ADGRL3: variants seen among roughly 807,000 people sequenced by gnomAD.
The protein encoded by ADGRL3 is adhesion G protein-coupled receptor L3.
In ADGRL3, 62 loss-of-function variants were observed where a neutral mutation model predicts 153.5. The observed-to-expected ratio is 0.40, with a 90% CI of 0.33 to 0.50. The LOEUF is 0.50. Among genes scored for constraint, ADGRL3 ranks in the 20% least tolerant of loss-of-function variants. The pLI, the probability that ADGRL3 is intolerant of heterozygous loss-of-function variation, is 0.47. For missense variants in ADGRL3, 1,641 were observed against 1,859.4 expected (o/e 0.88, Z 2.16); for synonymous variants, 710 against 672.5 (o/e 1.06, Z -0.86).
intron 9 of ADGRL3, among the ~76,000 whole-genome samples, chr4:61,818,025 C>T (rs1449510859): frequency 6.6e-6 from 1 of 152,124 alleles, no homozygotes; most frequent in Non-Finnish European, 1.5e-5. Context: ...ATTTCAAAAC[C>T]AATCATGCCT....
intron 4 of ADGRL3, among the ~76,000 whole-genome samples, chr4:61,585,012 TGA>T (rs2098940628): frequency 6.6e-6 from 1 of 152,002 alleles, no homozygotes; most frequent in African/African-American, 2.4e-5. Flanking sequence ...GTGTCTATTG[TGA>T]GAGTACCTTG....
intron 24 of ADGRL3, among the ~76,000 whole-genome samples, chr4:62,038,192 G>A (rs1447241409): frequency 6.6e-6 from 1 of 152,056 alleles, no homozygotes; most frequent in Non-Finnish European, 1.5e-5. Flanking sequence ...ATATTGATAT[G>A]ATTCTAATTC....
chr4:61,763,121 TAAAG>T (rs1174010174), intron 8 of ADGRL3, among the ~76,000 whole-genome samples: 1 of 151,942 alleles, frequency 6.6e-6, no homozygotes, highest in Non-Finnish European at 1.5e-5. Context: ...ACACTTTGCA[TAAAG>T]ATTTTTTTTC....
chr4:61,858,844 G>A (rs574538076), intron 9 of ADGRL3, among the ~76,000 whole-genome samples: 3 of 152,178 alleles, frequency 2.0e-5, no homozygotes, highest in African/African-American at 7.2e-5. Context: ...GTCGGACTTA[G>A]AAATGGGAGT....
At chr4:61,426,730 G>A (rs1353393010) in intron 2 of ADGRL3, 1 of 152,320 alleles carries the variant, frequency 6.6e-6, no homozygotes, top group Admixed American at 6.5e-5. Context: ...CCACCTTCAA[G>A]TAGTCTTTGA....
chr4:61,852,937 A>G (rs1456396999), intron 9 of ADGRL3, among the ~76,000 whole-genome samples: 4 of 152,126 alleles, frequency 2.6e-5, no homozygotes, highest in African/African-American at 9.7e-5. Context: ...CTCACTAGAA[A>G]GGAAACTTTA....
intron 1 of ADGRL3, among the ~76,000 whole-genome samples, chr4:61,258,347 C>T (rs929561373): frequency 6.6e-6 from 1 of 152,140 alleles, no homozygotes; most frequent in Admixed American, 6.5e-5. Flanking sequence ...ACCAGGATCC[C>T]CTGGAATTCA....
chr4:61,839,943 C>T (rs1328865018), intron 9 of ADGRL3, among the ~76,000 whole-genome samples: 1 of 148,156 alleles, frequency 6.7e-6, no homozygotes, highest in African/African-American at 2.5e-5. Flanking sequence ...GAGCAAGACC[C>T]CCATCTTAAA....
At chr4:61,974,010 C>T (rs949541401) in intron 17 of ADGRL3, among the ~76,000 whole-genome samples, 3 of 152,062 alleles carry the variant, frequency 2.0e-5, no homozygotes, top group Admixed American at 6.6e-5. Flanking sequence ...GTCTGTCACC[C>T]AGGTTGGAGT....
At chr4:61,606,300 G>A (rs2149600332) in intron 5 of ADGRL3, among the ~76,000 whole-genome samples, 1 of 152,268 alleles carries the variant, frequency 6.6e-6, no homozygotes, top group Middle Eastern at 3.4e-3. Context: ...CAAAATAATA[G>A]CTTGCTTATT....
chr4:61,309,320 T>C (rs1327533736), intron 1 of ADGRL3, among the ~76,000 whole-genome samples: 3 of 152,100 alleles, frequency 2.0e-5, no homozygotes, highest in Non-Finnish European at 4.4e-5. Context: ...GGGATTTGGG[T>C]CAAGTCATTT....
intron 19 of ADGRL3, among the ~76,000 whole-genome samples, chr4:61,993,793 T>C (rs954645): frequency 0.23 from 35,539 of 151,770 alleles, 4,282 homozygotes; most frequent in East Asian, 0.35. Flanking sequence ...AGCTAGCCTA[T>C]GGTCAGAATG....
intron 25 of ADGRL3, among the ~76,000 whole-genome samples, chr4:62,060,563 T>G (rs575264584): frequency 6.6e-6 from 1 of 152,044 alleles, no homozygotes; most frequent in African/African-American, 2.4e-5. Flanking sequence ...AAACTAATTT[T>G]ACTTTTTTAC....
At chr4:61,282,583 T>C (rs1369919127) in intron 1 of ADGRL3, among the ~76,000 whole-genome samples, 1 of 151,990 alleles carries the variant, frequency 6.6e-6, no homozygotes, top group Non-Finnish European at 1.5e-5. Flanking sequence ...ATTTTGAGTT[T>C]TTTTAGTCAT....
chr4:61,265,368 G>A (rs1008751819), intron 1 of ADGRL3, among the ~76,000 whole-genome samples: 6 of 151,826 alleles, frequency 4.0e-5, no homozygotes, highest in Non-Finnish European at 8.8e-5. Flanking sequence ...CTCCATGAGA[G>A]CTGCCATATG....
At chr4:61,747,510 T>C (rs1031755004) in intron 8 of ADGRL3, among the ~76,000 whole-genome samples, 7 of 146,928 alleles carry the variant, frequency 4.8e-5, no homozygotes, top group African/African-American at 1.8e-4. Context: ...TTATCCACCA[T>C]GATCAAGTGG....
chr4:61,279,906 A>C (rs1181045438), intron 1 of ADGRL3, among the ~76,000 whole-genome samples: 3 of 152,026 alleles, frequency 2.0e-5, no homozygotes, highest in African/African-American at 7.2e-5. Context: ...AATAAGGATA[A>C]ATATTTGTTG....
At chr4:61,359,296 A>G (rs2096246805) in intron 1 of ADGRL3, among the ~76,000 whole-genome samples, 1 of 152,144 alleles carries the variant, frequency 6.6e-6, no homozygotes, top group Non-Finnish European at 1.5e-5. Flanking sequence ...AACTTAAAAT[A>G]TAAGTTGTAT....
chr4:61,281,228 C>T (rs941411827), intron 1 of ADGRL3, among the ~76,000 whole-genome samples: 9 of 151,738 alleles, frequency 5.9e-5, no homozygotes, highest in Admixed American at 2.0e-4. Flanking sequence ...AAGGTAGTAC[C>T]GAATGGGGTA....
Sources: allele counts gnomAD v4.1 joint callset (sites outside exome capture counted in the v4.1 genomes callset), GRCh38; gene constraint gnomAD v4.1.1; transcripts MANE v1.5; gene names NCBI Gene and HGNC (gene_info 2026-07-23, HGNC 2026-07-21).